Variants in CDH8 observed in about 807,000 individuals in gnomAD.
The protein encoded by CDH8 is cadherin 8.
A neutral mutation model predicts 68.1 loss-of-function variants in CDH8; 17 were observed. The ratio of observed to expected loss-of-function variants is 0.25; its 90% CI spans 0.17 to 0.37. The LOEUF is 0.37. Ranked by LOEUF, CDH8 falls within the 10% of genes least tolerant of loss-of-function variation. CDH8 has a pLI of 1.00. For missense variants in CDH8, 763 were observed against 999.3 expected (o/e 0.76, Z 3.19); for synonymous variants, 372 against 365.1 (o/e 1.02, Z -0.21).
chr16:61,714,535 G>A (rs944609248), intron 9 of CDH8, among the ~76,000 whole-genome samples: 10 of 151,552 alleles, frequency 6.6e-5, no homozygotes, highest in Non-Finnish European at 1.3e-4. Context: ...GCTTTGGAGT[G>A]TATCCTGAGA....
intron 6 of CDH8, among the ~76,000 whole-genome samples, chr16:61,818,792 G>A (rs1315914678): frequency 6.6e-6 from 1 of 152,112 alleles, no homozygotes; most frequent in Non-Finnish European, 1.5e-5. Flanking sequence ...AATAGGCAAT[G>A]AAGATTTTTA....
intron 3 of CDH8, among the ~76,000 whole-genome samples, chr16:61,867,973 C>A (rs541498936): frequency 2.0e-5 from 3 of 152,246 alleles, no homozygotes; most frequent in African/African-American, 4.8e-5. Flanking sequence ...CCAGAATTAA[C>A]CCATTCCTTG....
At chr16:61,722,087 A>G (rs2142883616) in intron 9 of CDH8, among the ~76,000 whole-genome samples, 1 of 150,732 alleles carries the variant, frequency 6.6e-6, no homozygotes, top group African/African-American at 2.4e-5. Flanking sequence ...GCATGTGTGT[A>G]TTTTATTCAA....
intron 7 of CDH8, 128 bp from the exon 8 acceptor site, chr16:61,789,610 C>T: frequency 1.2e-6 from 1 of 850,234 alleles, no homozygotes; most frequent in Non-Finnish European, 1.7e-6. Flanking sequence ...TCAGTGGCAT[C>T]ATAATTTATA....
At chr16:61,723,557 A>G (rs775954662) in intron 9 of CDH8, among the ~76,000 whole-genome samples, 29 of 150,834 alleles carry the variant, frequency 1.9e-4, no homozygotes, top group Non-Finnish European at 3.0e-4. Flanking sequence ...CTGCAATTCT[A>G]TCATTTACAA....
chr16:61,878,363 A>T (rs751614396), intron 3 of CDH8, among the ~76,000 whole-genome samples: 6 of 152,208 alleles, frequency 3.9e-5, no homozygotes, highest in Non-Finnish European at 7.3e-5. Context: ...TGAAAAAATA[A>T]TTCATGTATT....
intron 10 of CDH8, among the ~76,000 whole-genome samples, chr16:61,680,611 T>TG (rs1284332056): frequency 2.0e-5 from 3 of 151,556 alleles, no homozygotes; most frequent in Admixed American, 2.0e-4. Flanking sequence ...TAACATCACT[T>TG]GCTCCCTCCC....
intron 8 of CDH8, among the ~76,000 whole-genome samples, chr16:61,752,513 G>T (rs951132777): frequency 7.2e-5 from 11 of 152,128 alleles, no homozygotes; most frequent in African/African-American, 2.4e-4. Context: ...ACAACCAACT[G>T]CTGTGTTCTT....
intron 8 of CDH8, among the ~76,000 whole-genome samples, chr16:61,778,837 T>G (rs1344120100): frequency 6.6e-6 from 1 of 152,146 alleles, no homozygotes; most frequent in African/African-American, 2.4e-5. Context: ...AACAATGAAC[T>G]GCCTATAAAG....
intron 3 of CDH8, among the ~76,000 whole-genome samples, chr16:61,874,910 C>A (rs1258516653): frequency 6.6e-6 from 1 of 152,120 alleles, no homozygotes; most frequent in Non-Finnish European, 1.5e-5. Context: ...ACCCCATAGA[C>A]TGTTGAGGCT....
chr16:61,706,321 A>C (rs970809807), intron 10 of CDH8, among the ~76,000 whole-genome samples: 1 of 152,190 alleles, frequency 6.6e-6, no homozygotes, highest in Non-Finnish European at 1.5e-5. Context: ...AGGGGATTTA[A>C]AAAGTGTAAC....
intron 10 of CDH8, among the ~76,000 whole-genome samples, chr16:61,675,101 A>G (rs1963875968): frequency 6.6e-6 from 1 of 152,126 alleles, no homozygotes; most frequent in South Asian, 2.1e-4. Flanking sequence ...ATAATAGGTT[A>G]AAGGAAGTTA....
chr16:61,808,798 G>A (rs74865376), intron 7 of CDH8, among the ~76,000 whole-genome samples: 3,745 of 152,184 alleles, frequency 0.025, 71 homozygotes, highest in Non-Finnish European at 0.039. Context: ...TGTAAAGAAC[G>A]TATTTTAGGT....
chr16:61,801,436 G>A (rs1034395602), intron 7 of CDH8, among the ~76,000 whole-genome samples: 12 of 152,256 alleles, frequency 7.9e-5, no homozygotes, highest in East Asian at 5.8e-4. Context: ...GACAGCTAGC[G>A]GTGTGAATTC....
chr16:61,960,027 C>CA (rs1160275608), intron 2 of CDH8, among the ~76,000 whole-genome samples: 5 of 91,860 alleles, frequency 5.4e-5, no homozygotes, highest in Non-Finnish European at 1.1e-4. Context: ...CACACATACA[C>CA]ACACACACAC....
intron 2 of CDH8, among the ~76,000 whole-genome samples, 166 bp from the exon 3 acceptor site, chr16:61,901,639 T>A (rs1199604530): frequency 6.6e-6 from 1 of 152,166 alleles, no homozygotes; most frequent in Admixed American, 6.5e-5. Context: ...CAATTAAGAA[T>A]AAAATATAAT....
At chr16:61,801,124 T>A (rs2217911) in intron 7 of CDH8, among the ~76,000 whole-genome samples, 32,966 of 152,042 alleles carry the variant, frequency 0.22, 4,122 homozygotes, top group African/African-American at 0.35. Flanking sequence ...AAAGCTGATT[T>A]TAAACCCTAG....
chr16:61,847,164 GT>G (rs1402757398), intron 4 of CDH8, among the ~76,000 whole-genome samples: 2 of 151,932 alleles, frequency 1.3e-5, no homozygotes, highest in African/African-American at 4.8e-5. Flanking sequence ...AACTGTCTGT[GT>G]TTGTTTTCTC....
At chr16:61,899,838 ACAC>A (rs1963936567) in intron 3 of CDH8, among the ~76,000 whole-genome samples, 1 of 140,248 alleles carries the variant, frequency 7.1e-6, no homozygotes, top group Non-Finnish European at 1.5e-5. Context: ...AAAGACACAC[ACAC>A]ACACACACAC....
Sources: allele counts gnomAD v4.1 joint callset (sites outside exome capture counted in the v4.1 genomes callset), GRCh38; gene constraint gnomAD v4.1.1; transcripts MANE v1.5; gene names NCBI Gene and HGNC (gene_info 2026-07-23, HGNC 2026-07-21).